The following DAB1 variants were observed in gnomAD, a reference collection of about 807,000 sequenced individuals.
DAB1 encodes the protein DAB adaptor protein 1.
In DAB1, 15 loss-of-function variants were observed where a neutral mutation model predicts 64.6. The observed-to-expected ratio is 0.23, with a 90% CI of 0.16 to 0.36. The LOEUF is 0.36. Ranked by LOEUF, DAB1 falls within the 10% of genes least tolerant of loss-of-function variation. The pLI is 1.00. For missense variants in DAB1, 596 were observed against 706.7 expected (o/e 0.84, Z 1.78); for synonymous variants, 235 against 251.9 (o/e 0.93, Z 0.64).
chr1:57,531,778 G>T (rs952634762), intron 7 of DAB1, among the ~76,000 whole-genome samples: 1 of 152,156 alleles, frequency 6.6e-6, no homozygotes, highest in Non-Finnish European at 1.5e-5. Context: ...GTCCTTATTT[G>T]TAGCATTTGC....
intron 5 of DAB1, among the ~76,000 whole-genome samples, chr1:58,117,119 A>G (rs1272451780): frequency 2.0e-5 from 3 of 152,198 alleles, no homozygotes; most frequent in African/African-American, 7.2e-5. Context: ...TGCCACTCAC[A>G]CAAAAATGAT....
intron 7 of DAB1, among the ~76,000 whole-genome samples, chr1:57,431,327 A>AAC (rs921877430): frequency 8.6e-5 from 13 of 151,784 alleles, no homozygotes; most frequent in South Asian, 2.1e-4. Context: ...TCCACTTAAA[A>AAC]ACACACACAC....
chr1:57,913,246 A>C (rs1644675176), intron 5 of DAB1, among the ~76,000 whole-genome samples: 1 of 152,074 alleles, frequency 6.6e-6, no homozygotes, highest in East Asian at 1.9e-4. Flanking sequence ...CAAAACACAG[A>C]TATAGACCAA....
intron 5 of DAB1, among the ~76,000 whole-genome samples, chr1:58,079,566 AG>A (rs1165133084): frequency 1.0e-4 from 12 of 114,914 alleles, no homozygotes; most frequent in Non-Finnish European, 1.8e-4. Context: ...TCTGTCGCCC[AG>A]GTTGGAGTGC....
At chr1:58,386,092 A>T (rs1424462917) in intron 3 of DAB1, among the ~76,000 whole-genome samples, 2 of 152,308 alleles carry the variant, frequency 1.3e-5, no homozygotes, top group East Asian at 3.9e-4. Context: ...GGAGGAAGAA[A>T]GGAAGAAGTT....
At chr1:58,534,206 C>G (rs779814856) in intron 1 of DAB1, 2 of 871,544 alleles carry the variant, frequency 2.3e-6, no homozygotes, top group South Asian at 2.6e-5. Flanking sequence ...CATGAATAAC[C>G]CAATTGATCT....
intron 5 of DAB1, among the ~76,000 whole-genome samples, chr1:57,934,040 C>T (rs1299537839): frequency 1.2e-4 from 18 of 149,284 alleles, no homozygotes; most frequent in Non-Finnish European, 2.4e-4. Flanking sequence ...GGATTATAGG[C>T]GTCCGCCACC....
At chr1:57,583,435 C>G (rs566969113) in intron 7 of DAB1, among the ~76,000 whole-genome samples, 1 of 151,788 alleles carries the variant, frequency 6.6e-6, no homozygotes, top group Non-Finnish European at 1.5e-5. Flanking sequence ...TACACGCGCG[C>G]GCCAATATGC....
At chr1:57,255,901 G>C (rs1669722120) in intron 2 of DAB1, among the ~76,000 whole-genome samples, 1 of 152,158 alleles carries the variant, frequency 6.6e-6, no homozygotes, top group Non-Finnish European at 1.5e-5. Flanking sequence ...GCCATTTCCT[G>C]ACTATTCAGC....
chr1:57,042,982 A>C (rs1156427628), intron 9 of DAB1, among the ~76,000 whole-genome samples: 1 of 152,104 alleles, frequency 6.6e-6, no homozygotes, highest in African/African-American at 2.4e-5. Context: ...AAATTACTCC[A>C]TTTCTAACTT....
chr1:57,768,858 A>G (rs1293495727), intron 6 of DAB1, among the ~76,000 whole-genome samples: 1 of 152,140 alleles, frequency 6.6e-6, no homozygotes, highest in African/African-American at 2.4e-5. Context: ...GGCTTGGAAG[A>G]GAGGGCTTAT....
intron 7 of DAB1, among the ~76,000 whole-genome samples, chr1:57,604,192 A>C (rs1171816977): frequency 6.6e-6 from 1 of 152,184 alleles, no homozygotes; most frequent in Non-Finnish European, 1.5e-5. Flanking sequence ...CTGGAAGTGG[A>C]GTCAAAAAGC....
chr1:57,532,508 A>G (rs1158201264), intron 7 of DAB1, among the ~76,000 whole-genome samples: 1 of 152,226 alleles, frequency 6.6e-6, no homozygotes, highest in Non-Finnish European at 1.5e-5. Context: ...AAGGAGCCTT[A>G]TCTTTGCTTG....
intron 7 of DAB1, among the ~76,000 whole-genome samples, chr1:57,562,939 G>A (rs994196716): frequency 4.0e-4 from 61 of 152,152 alleles, no homozygotes; most frequent in Non-Finnish European, 7.6e-4. Flanking sequence ...ACTCTACAAC[G>A]GAGGTAAGGA....
At chr1:58,330,649 T>C (rs1401684844) in intron 4 of DAB1, among the ~76,000 whole-genome samples, 3 of 152,216 alleles carry the variant, frequency 2.0e-5, no homozygotes, top group Non-Finnish European at 4.4e-5. Flanking sequence ...CAGTGCTCAT[T>C]TGGCATCCCA....
At chr1:58,087,450 C>A (rs544756032) in intron 5 of DAB1, among the ~76,000 whole-genome samples, 1 of 152,200 alleles carries the variant, frequency 6.6e-6, no homozygotes, top group African/African-American at 2.4e-5. Flanking sequence ...GTCAGCCAAA[C>A]GTGGCCCTTT....
At chr1:57,906,752 T>C (rs1644557059) in intron 5 of DAB1, among the ~76,000 whole-genome samples, 1 of 152,124 alleles carries the variant, frequency 6.6e-6, no homozygotes, top group African/African-American at 2.4e-5. Context: ...GATTCCAGGT[T>C]CCTCTTCCCT....
rs969509853 is a variant in DAB1 at position 58,153,936 on chromosome 1, C to G, written n.310-3348G>C. Reference sequence around the variant, plus strand: ...CAGGACTCCCCCCAAAACTACTGTACCTTGTGTTTATCCTTCTTCTTCAGG... The same window carrying G: ...CAGGACTCCCCCCAAAACTACTGTAGCTTGTGTTTATCCTTCTTCTTCAGG... On this transcript the variant is annotated intron_variant and non_coding_transcript_variant, in intron 4 of 20. Coordinates refer to the DAB1 transcript ENST00000485760. Among the ~76,000 whole-genome samples the G allele has an allele frequency of 2.0e-5, 3 of 150,834 alleles. No individual in the cohort carries two copies. In the Admixed American group the frequency reaches 2.0e-4, roughly 10 times the overall value.
At chr1:57,342,647 C>T (rs1017092291) in intron 1 of DAB1, among the ~76,000 whole-genome samples, 5 of 152,160 alleles carry the variant, frequency 3.3e-5, no homozygotes, top group South Asian at 2.1e-4. Context: ...CGGACCCTGG[C>T]AGTGAGTGTT....
Sources: gnomAD v4.1 joint callset for allele counts (sites outside exome capture counted in the v4.1 genomes callset) on GRCh38, gnomAD v4.1.1 for gene constraint, MANE v1.5 for transcripts, NCBI Gene and HGNC (gene_info 2026-07-23, HGNC 2026-07-21) for gene names.